Variants in EXT1 observed in about 807,000 individuals in gnomAD.
EXT1 encodes the protein exostosin glycosyltransferase 1, also known as exostosin-1.
A neutral mutation model predicts 82.5 loss-of-function variants in EXT1; 20 were observed. The observed-to-expected ratio is 0.24, with a 90% CI of 0.17 to 0.35. The LOEUF is 0.35. Ranked by LOEUF, EXT1 falls within the 10% of genes least tolerant of loss-of-function variation. EXT1 has a pLI of 1.00. For missense variants in EXT1, 757 were observed against 936.5 expected (o/e 0.81, Z 2.50); for synonymous variants, 348 against 350.8 (o/e 0.99, Z 0.09).
At chr8:118,079,624 A>T (rs141129738) in intron 1 of EXT1, among the ~76,000 whole-genome samples, 285 of 152,300 alleles carry the variant, frequency 1.9e-3, no homozygotes, top group African/African-American at 6.7e-3. Context: ...TCTTTTGGAT[A>T]CAAAGAATCC....
chr8:118,096,643 G>A (rs1164739926), intron 1 of EXT1, among the ~76,000 whole-genome samples: 3 of 32,332 alleles, frequency 9.3e-5, no homozygotes, highest in Non-Finnish European at 2.8e-4. Flanking sequence ...AGGAAGGAAG[G>A]AAGGAAGGAA....
chr8:118,027,152 T>C (rs1027950956), intron 1 of EXT1, among the ~76,000 whole-genome samples: 3 of 152,198 alleles, frequency 2.0e-5, no homozygotes, highest in African/African-American at 7.2e-5. Flanking sequence ...TTAGAGAAAT[T>C]GCAAGCACTA....
At chr8:118,045,171 C>T (rs757001444) in intron 1 of EXT1, among the ~76,000 whole-genome samples, 4 of 152,162 alleles carry the variant, frequency 2.6e-5, no homozygotes, top group Admixed American at 1.3e-4. Flanking sequence ...AATTCTGAGT[C>T]GAGCCCAGCG....
intron 1 of EXT1, among the ~76,000 whole-genome samples, chr8:118,096,992 CGGGCATGGTGCT>C (rs1817631016): frequency 6.6e-6 from 1 of 152,126 alleles, no homozygotes; most frequent in South Asian, 2.1e-4. Flanking sequence ...GTGAGTCAGT[CGGGCATGGTGCT>C]GAGGCTCTGA....
chr8:117,962,104 C>A (rs1419174939), intron 1 of EXT1, among the ~76,000 whole-genome samples: 6 of 140,584 alleles, frequency 4.3e-5, no homozygotes, highest in South Asian at 2.4e-4. Flanking sequence ...TCAGTAGGCT[C>A]ATTTGTCAGT....
chr8:117,987,900 C>T (rs978711832), intron 1 of EXT1, among the ~76,000 whole-genome samples: 1 of 152,100 alleles, frequency 6.6e-6, no homozygotes, highest in Non-Finnish European at 1.5e-5. Flanking sequence ...CCAGCCTGGG[C>T]AACATAGCAA....
At chr8:117,820,021 G>A (rs1811897102) in intron 5 of EXT1, among the ~76,000 whole-genome samples, 1 of 152,116 alleles carries the variant, frequency 6.6e-6, no homozygotes, top group South Asian at 2.1e-4. Flanking sequence ...CCACTTCTAG[G>A]TTCTTGCTTT....
At chr8:117,854,448 A>G (rs1053164319) in intron 1 of EXT1, among the ~76,000 whole-genome samples, 2 of 151,502 alleles carry the variant, frequency 1.3e-5, no homozygotes, top group African/African-American at 4.8e-5. Flanking sequence ...GGGGGAGAAA[A>G]CACACACACA....
intron 1 of EXT1, among the ~76,000 whole-genome samples, chr8:117,894,019 C>G (rs1172946742): frequency 6.6e-6 from 1 of 152,144 alleles, no homozygotes; most frequent in Non-Finnish European, 1.5e-5. Flanking sequence ...TTCTGATGCT[C>G]CCTTTTAGGG....
At chr8:117,948,058 A>G (rs1249899146) in intron 1 of EXT1, among the ~76,000 whole-genome samples, 4 of 152,184 alleles carry the variant, frequency 2.6e-5, no homozygotes, top group Non-Finnish European at 1.5e-5. Context: ...ACACTCTGAG[A>G]TCTTGGGGAG....
chr8:117,936,929 G>C (rs182885076), intron 1 of EXT1, among the ~76,000 whole-genome samples: 1 of 152,218 alleles, frequency 6.6e-6, no homozygotes, highest in African/African-American at 2.4e-5. Context: ...ACTATGTTGA[G>C]TTGGAATGTC....
chr8:117,982,227 C>G (rs1255600064), intron 1 of EXT1, among the ~76,000 whole-genome samples: 1 of 152,164 alleles, frequency 6.6e-6, no homozygotes, highest in African/African-American at 2.4e-5. Context: ...TGGCAGAATT[C>G]AGTTCCTTGC....
chr8:117,799,562 T>G lies in EXT1; in HGVS notation c.*150A>C. ...CCAGGAGCCAGGAGTTGAGTTCTCA[T>G]TGGCCTTTTTTTTTTTGTCATTCTG... On this transcript the variant is annotated 3_prime_UTR_variant, in exon 11 of 11. Transcript: ENST00000378204. 4 of 859,664 alleles carry G rather than the reference T, an allele frequency of 4.7e-6. No individual in the cohort carries two copies. The highest frequency in any genetic ancestry group is 2.6e-5 in the East Asian group (1 of 38,184). 53.3% of individuals were successfully genotyped at this position (859,664 alleles called of 1,614,324 possible).
intron 1 of EXT1, among the ~76,000 whole-genome samples, chr8:118,070,226 CTGTGTGTGTGTGTGTGTG>C (rs36229782): frequency 9.4e-4 from 126 of 133,440 alleles, no homozygotes; most frequent in African/African-American, 2.6e-3. Flanking sequence ...TCATAAATTT[CTGTGTGTGTGTGTGTGTG>C]TGTGTGTGTG....
Position 118,024,447 on chromosome 8 carries a change from A to G in EXT1, c.962+85638T>C, listed in dbSNP as rs146393403. On this transcript the variant is annotated intron_variant, in intron 1 of 10. Coordinates refer to ENST00000378204, the MANE Select transcript of EXT1 (RefSeq NM_000127.3). ...CCAGCCAGCCAGCCATTTGTTTTTCATTCATTCAACTATGATCTACGGAGA... is the reference window on the plus strand; with the variant it reads ...CCAGCCAGCCAGCCATTTGTTTTTCGTTCATTCAACTATGATCTACGGAGA... Among the ~76,000 whole-genome samples, 135 of 152,228 alleles carry G rather than the reference A, an allele frequency of 8.9e-4. 1 individual carries two copies. The East Asian group carries it at 0.016, about 18-fold the overall frequency.
intron 1 of EXT1, among the ~76,000 whole-genome samples, chr8:117,909,987 T>C (rs7842917): frequency 0.26 from 39,647 of 152,102 alleles, 5,823 homozygotes; most frequent in East Asian, 0.37. Context: ...AAACTGGCCT[T>C]GAACTCCTGA....
chr8:117,968,695 G>A lies in EXT1; in HGVS notation c.963-131494C>T, dbSNP rs1814878414. Among the ~76,000 whole-genome samples the A allele has an allele frequency of 3.0e-5, 3 of 100,734 alleles. 1 individual carries two copies. Among genetic ancestry groups the A allele is most frequent in the East Asian group, 2.3e-4 (1 of 4,258 alleles). The allele number at this position is 100,734 out of a possible 152,430, so 66.1% of individuals were successfully genotyped here. On this transcript the variant is annotated intron_variant, in intron 1 of 10. Transcript: ENST00000378204. The stretch of plus-strand genomic sequence containing the variant: ...CGCCATTCTCCTGCCTCAGCCTCCC[G>A]AGTAGCTGGGACTATAGGCGCCCAC...
chr8:118,082,453 T>C (rs1817349987), intron 1 of EXT1, among the ~76,000 whole-genome samples: 1 of 152,350 alleles, frequency 6.6e-6, no homozygotes, highest in Middle Eastern at 3.4e-3. Context: ...ATTTTATTAT[T>C]TGGAAAATTC....
In EXT1 at chr8:117,980,698, G is replaced by GTTTTT. The variant is rs1330631748; in HGVS notation, c.962+129382_962+129386dup. Among the ~76,000 whole-genome samples the GTTTTT allele has an allele frequency of 6.8e-5, 3 of 43,828 alleles. 1 individual carries two copies. Among genetic ancestry groups the GTTTTT allele is most frequent in the Admixed American group, 4.1e-4 (1 of 2,422 alleles). The allele number at this position is 43,828 out of a possible 152,430, so 28.8% of individuals were successfully genotyped here. A position where few individuals can be genotyped will look rare whatever the true frequency, so the allele number is the denominator to read the frequency against. The stretch of plus-strand genomic sequence containing the variant: ...AGGTTTGTTTGTTCGGGTGTTGGTG[G>GTTTTT]TTTTTTTTTTTTTTTTTTTTTTTTT... On this transcript the variant is annotated intron_variant, in intron 1 of 10. Transcript: ENST00000378204.
Sources: allele counts gnomAD v4.1 joint callset (sites outside exome capture counted in the v4.1 genomes callset), GRCh38; gene constraint gnomAD v4.1.1; transcripts MANE v1.5; gene names NCBI Gene and HGNC (gene_info 2026-07-23, HGNC 2026-07-21).